The following CEP95 variants were observed in gnomAD, a reference collection of about 807,000 sequenced individuals.
CEP95 encodes the protein centrosomal protein of 95 kDa.
A neutral mutation model predicts 111.2 loss-of-function variants in CEP95; 98 were observed. That is an observed-to-expected ratio of 0.88 (90% CI 0.75 to 1.04). CEP95 has a LOEUF of 1.04. CEP95 is among the 50% of genes least tolerant of loss of function. The pLI is 0.00. For synonymous variants in CEP95, 323 were observed against 327.1 expected (o/e 0.99, Z 0.14); for missense variants, 1,027 against 977.2 (o/e 1.05, Z -0.68).
chr17:64,534,935 C>T (rs958974401), intron 17 of CEP95, 198 bp downstream of exon 17: 21 of 576,152 alleles, frequency 3.6e-5, no homozygotes, highest in African/African-American at 2.3e-4. Context: ...TCTCAGTCTC[C>T]GTGTCCCTCA....
chr17:64,532,145 T>C lies in CEP95; in HGVS notation c.1672+123T>C, dbSNP rs560249501. 2.6e-4 allele frequency: 358 copies of C among 1,373,302 alleles called. 1 individual carries two copies. Among genetic ancestry groups the C allele is most frequent in the African/African-American group, 2.2e-3 (145 of 67,124 alleles). 85.1% of individuals were successfully genotyped at this position (1,373,302 alleles called of 1,614,324 possible). A position where few individuals can be genotyped will look rare whatever the true frequency, so the allele number is the denominator to read the frequency against. On this transcript the variant is annotated intron_variant, in intron 14 of 19. Coordinates refer to ENST00000556440, the MANE Select transcript of CEP95 (RefSeq NM_138363.3). ...TTAGCCGAAGAAAGTTTTTTTTTTT[T>C]CCCAATCACTGCCATGTGGCTGGTT... is the stretch of plus-strand genomic sequence containing the variant.
chr17:64,517,584 C>T (rs1332264545), intron 5 of CEP95, among the ~76,000 whole-genome samples: 1 of 151,806 alleles, frequency 6.6e-6, no homozygotes, highest in African/African-American at 2.4e-5. Context: ...TGCTCTGACA[C>T]TCATGGTGGA....
At chr17:64,515,630 G>A (rs2039100306) in intron 4 of CEP95, 1 of 152,120 alleles carries the variant, frequency 6.6e-6, no homozygotes, top group Non-Finnish European at 1.5e-5. Flanking sequence ...AGTATGTGGT[G>A]AGCTACTGGG....
chr17:64,532,223 A>G, intron 14 of CEP95: 2 of 1,245,304 alleles, frequency 1.6e-6, no homozygotes, highest in South Asian at 6.5e-5. Context: ...GGAGGCCTAT[A>G]TATTGGCACC....
At chr17:64,507,399 C>T (rs907662591) in intron 1 of CEP95, 3 of 1,378,300 alleles carry the variant, frequency 2.2e-6, no homozygotes, top group Non-Finnish European at 2.8e-6. Context: ...AGGGTCGTCC[C>T]CGGACTTGTC....
chr17:64,533,812 G>A (rs1052021671), intron 16 of CEP95, among the ~76,000 whole-genome samples: 6 of 152,140 alleles, frequency 3.9e-5, no homozygotes, highest in African/African-American at 1.4e-4. Context: ...AGTTCTGTCT[G>A]TGGACTCCAT....
chr17:64,531,774 G>C, intron 13 of CEP95, 116 bp from the exon 14 acceptor site: 1 of 699,522 alleles, frequency 1.4e-6, no homozygotes, highest in Non-Finnish European at 2.1e-6. Flanking sequence ...CTTACTGTTA[G>C]CTAAAAAACT....
chr17:64,521,629 T>C, intron 7 of CEP95, 102 bp downstream of exon 7: 1 of 1,021,798 alleles, frequency 9.8e-7, no homozygotes, highest in Non-Finnish European at 1.4e-6. Context: ...TATGAGATCC[T>C]TTTTGGTCTT....
intron 1 of CEP95, 104 bp from the exon 2 acceptor site, chr17:64,508,488 A>G (rs2038704050): frequency 8.2e-7 from 1 of 1,213,284 alleles, no homozygotes; most frequent in Non-Finnish European, 1.0e-6. Context: ...TGCAAAGTTC[A>G]GTGTCTGTTT....
chr17:64,522,561 AT>A lies in CEP95; in HGVS notation c.716-134del, dbSNP rs1191410235. ...CTGAGGCTATATCCCTGGTTTAATT[AT>A]TTTTTTATGTGCTTTGTCTTAAGTT... On this transcript the variant is annotated intron_variant, in intron 7 of 19. Coordinates refer to ENST00000556440, the MANE Select transcript of CEP95 (RefSeq NM_138363.3). 52 of 556,052 alleles carry A rather than the reference AT, an allele frequency of 9.4e-5. No individual in the cohort carries two copies. The Middle Eastern group carries it at 2.0e-3, about 21-fold the overall frequency. 34.4% of individuals were successfully genotyped at this position (556,052 alleles called of 1,614,324 possible). A position where few individuals can be genotyped will look rare whatever the true frequency, so the allele number is the denominator to read the frequency against.
chr17:64,526,964 TA>T, intron 10 of CEP95, 146 bp from the exon 11 acceptor site: 1 of 570,212 alleles, frequency 1.8e-6, no homozygotes, highest in Non-Finnish European at 3.1e-6. Context: ...TGTCTCAAAA[TA>T]AAAGTAAATA....
intron 8 of CEP95, among the ~76,000 whole-genome samples, chr17:64,523,531 C>T (rs1455221222): frequency 6.6e-6 from 1 of 151,812 alleles, no homozygotes; most frequent in East Asian, 1.9e-4. Context: ...CACGCCACTG[C>T]GCTCCAGCCT....
chr17:64,526,346 G>C, intron 10 of CEP95, 146 bp downstream of exon 10: 2 of 767,712 alleles, frequency 2.6e-6, no homozygotes, highest in Non-Finnish European at 3.9e-6. Flanking sequence ...CAAGCAGGTA[G>C]AACAGGAAGT....
chr17:64,537,456 C>T lies in CEP95; in HGVS notation c.2290-147C>T, dbSNP rs552536921. ...AGACATTTTTATCCTATGATTTTAA[C>T]TTTAGTTAGGTCTCTGTAAGAGCTG... is the stretch of plus-strand genomic sequence containing the variant. On this transcript the variant is annotated intron_variant, in intron 19 of 19. Transcript: ENST00000556440. 5.4e-4 allele frequency: 752 copies of T among 1,383,700 alleles called. 1 individual carries two copies. The highest frequency in any genetic ancestry group is 2.0e-3 in the South Asian group (104 of 51,154). The allele number at this position is 1,383,700 out of a possible 1,614,324, so 85.7% of individuals were successfully genotyped here. A position where few individuals can be genotyped will look rare whatever the true frequency, so the allele number is the denominator to read the frequency against.
chr17:64,525,971 G>A, intron 9 of CEP95, 89 bp downstream of exon 9: 1 of 1,493,878 alleles, frequency 6.7e-7, no homozygotes, highest in South Asian at 1.3e-5. Flanking sequence ...TAGCTGTGAA[G>A]ACCAGAATGA....
chr17:64,517,269 A>T (rs782540162), intron 5 of CEP95, among the ~76,000 whole-genome samples: 2 of 151,892 alleles, frequency 1.3e-5, no homozygotes, highest in Admixed American at 6.6e-5. Context: ...CTGGCCTCGA[A>T]CTCCTGATCT....
chr17:64,525,865 GCCTCC>G lies in CEP95; in HGVS notation c.1007_1011del (p.Pro336GlnfsTer6). On this transcript the variant is annotated frameshift_variant, in exon 9 of 20. Coordinates refer to ENST00000556440, the MANE Select transcript of CEP95 (RefSeq NM_138363.3). LOFTEE classifies it high-confidence loss of function. ...AGGTCCAAGGGCCTAGGACAAGGAA[GCCTCC>G]CAAAGGAAAAAGGTAACATTACTGC... 6.4e-7 allele frequency: 1 copy of G among 1,574,608 alleles called. No individual in the cohort carries two copies. The highest frequency in any genetic ancestry group is 8.6e-7 in the Non-Finnish European group (1 of 1,168,540).
At chr17:64,514,715 G>A (rs2039055392) in intron 4 of CEP95, 1 of 327,022 alleles carries the variant, frequency 3.1e-6, no homozygotes, top group African/African-American at 2.1e-5. Flanking sequence ...ATGTTACTGA[G>A]GCATCAACAG....
intron 3 of CEP95, among the ~76,000 whole-genome samples, chr17:64,512,103 A>G (rs2038928407): frequency 2.0e-5 from 3 of 152,214 alleles, no homozygotes; most frequent in Admixed American, 2.0e-4. Flanking sequence ...CTTTGTGCAC[A>G]ATGTTCCGTG....
Sources: allele counts gnomAD v4.1 joint callset (sites outside exome capture counted in the v4.1 genomes callset), GRCh38; gene constraint gnomAD v4.1.1; transcripts MANE v1.5; gene names NCBI Gene and HGNC (gene_info 2026-07-23, HGNC 2026-07-21).